The following AGBL1 variants were observed in gnomAD, a reference collection of about 807,000 sequenced individuals.
AGBL1 encodes AGBL carboxypeptidase 1.
A neutral mutation model predicts 118.9 loss-of-function variants in AGBL1; 130 were observed. The ratio of observed to expected loss-of-function variants is 1.09; its 90% CI spans 0.95 to 1.26. The LOEUF (loss-of-function observed/expected upper bound fraction) is 1.26. AGBL1 is among the 50% of genes most tolerant of loss of function. The pLI is 0.00. For missense variants in AGBL1, 1,584 were observed against 1,298.1 expected (o/e 1.22, Z -3.38); for synonymous variants, 555 against 478.9 (o/e 1.16, Z -2.08).
intron 7 of AGBL1, among the ~76,000 whole-genome samples, chr15:86,250,373 A>G (rs1209309502): frequency 6.6e-6 from 1 of 151,698 alleles, no homozygotes; most frequent in Non-Finnish European, 1.5e-5. Context: ...AAAAATACAA[A>G]AAATTAGCCG....
At chr15:86,718,353 A>C (rs867191567) in intron 22 of AGBL1, among the ~76,000 whole-genome samples, 3 of 152,166 alleles carry the variant, frequency 2.0e-5, no homozygotes, top group Non-Finnish European at 4.4e-5. Context: ...ACACTTGGAC[A>C]CAGGGTGGGG....
intron 3 of AGBL1, among the ~76,000 whole-genome samples, chr15:86,150,682 A>G (rs1431725211): frequency 6.6e-6 from 1 of 152,220 alleles, no homozygotes; most frequent in East Asian, 1.9e-4. Flanking sequence ...GCCAAATTCT[A>G]CCAGAGATAC....
chr15:86,666,898 A>T (rs2085654132), intron 21 of AGBL1, among the ~76,000 whole-genome samples: 1 of 152,154 alleles, frequency 6.6e-6, no homozygotes, highest in Non-Finnish European at 1.5e-5. Context: ...TAACCCCAGC[A>T]ATATGGGTCT....
At chr15:86,082,873 G>C (rs1430899371) in intron 1 of AGBL1, among the ~76,000 whole-genome samples, 2 of 152,234 alleles carry the variant, frequency 1.3e-5, no homozygotes, top group Admixed American at 6.5e-5. Context: ...CACAGCACAG[G>C]TGCGAGAGGC....
chr15:86,925,887 T>A (rs568071780), intron 23 of AGBL1, among the ~76,000 whole-genome samples: 23 of 151,396 alleles, frequency 1.5e-4, no homozygotes, highest in Non-Finnish European at 2.2e-4. Context: ...CCCGCCACCA[T>A]GCCCGGCTAA....
At chr15:86,722,203 A>T (rs1001379052) in intron 22 of AGBL1, among the ~76,000 whole-genome samples, 1 of 152,230 alleles carries the variant, frequency 6.6e-6, no homozygotes, top group African/African-American at 2.4e-5. Context: ...TGCCAAGTCA[A>T]TCCTAAGCCA....
intron 22 of AGBL1, among the ~76,000 whole-genome samples, chr15:86,873,391 G>A (rs974334334): frequency 6.6e-6 from 1 of 152,080 alleles, no homozygotes; most frequent in African/African-American, 2.4e-5. Context: ...TTTAAGAATC[G>A]ACTTTTGTTC....
chr15:86,087,000 A>G (rs1026067829), intron 1 of AGBL1, among the ~76,000 whole-genome samples: 3 of 152,168 alleles, frequency 2.0e-5, no homozygotes, highest in Admixed American at 1.3e-4. Flanking sequence ...GTGGGATGCT[A>G]GGGTGCACCT....
At chr15:86,597,664 G>A (rs951333900) in intron 21 of AGBL1, among the ~76,000 whole-genome samples, 1 of 152,156 alleles carries the variant, frequency 6.6e-6, no homozygotes, top group African/African-American at 2.4e-5. Context: ...ATTCAAATGA[G>A]AATAGACAGA....
intron 22 of AGBL1, among the ~76,000 whole-genome samples, chr15:86,883,292 C>T (rs1280796899): frequency 1.3e-5 from 2 of 152,156 alleles, no homozygotes; most frequent in African/African-American, 4.8e-5. Flanking sequence ...GATTTTCTTT[C>T]CTTGGCTAAC....
chr15:86,623,795 A>G (rs1384839556), intron 21 of AGBL1, among the ~76,000 whole-genome samples: 2 of 152,218 alleles, frequency 1.3e-5, no homozygotes, highest in Admixed American at 6.5e-5. Context: ...TAATTTTACA[A>G]TAATTCCAAA....
At chr15:86,217,843 G>T (rs1387142861) in intron 5 of AGBL1, among the ~76,000 whole-genome samples, 2 of 142,174 alleles carry the variant, frequency 1.4e-5, no homozygotes, top group South Asian at 2.5e-4. Flanking sequence ...TTCAGATTTG[G>T]ATTTTTTATC....
intron 17 of AGBL1, among the ~76,000 whole-genome samples, chr15:86,391,010 A>G (rs767746610): frequency 6.9e-6 from 1 of 145,894 alleles, no homozygotes; most frequent in Non-Finnish European, 1.5e-5. Flanking sequence ...ACGAAGCACT[A>G]TGGTGATAAA....
intron 18 of AGBL1, among the ~76,000 whole-genome samples, chr15:86,481,182 T>C (rs1423607976): frequency 6.6e-6 from 1 of 151,894 alleles, no homozygotes; most frequent in Admixed American, 6.6e-5. Context: ...TTGCCATGTT[T>C]AGAGGATTTC....
At chr15:86,636,848 A>C (rs2142455239) in intron 21 of AGBL1, among the ~76,000 whole-genome samples, 1 of 149,294 alleles carries the variant, frequency 6.7e-6, no homozygotes, top group South Asian at 2.1e-4. Flanking sequence ...ACTCATAGGC[A>C]CAATTCAATT....
Position 86,546,052 on chromosome 15 carries a change from T to C in AGBL1, c.2736T>C (p.Tyr912=). ...GHSQKKNVFL[Y]GCSIKETLWQ... is the part of the protein sequence containing the mutation. ...CCCAAAAGAAGAATGTGTTCCTTTA[T>C]GGCTGTAGCATCAAGGAAACCTTGT... The change falls in exon 20 of 23, where the codon TAT becomes TAC. Residue 912 remains tyrosine, a synonymous_variant. Coordinates refer to ENST00000614907, the MANE Select transcript of AGBL1 (RefSeq NM_001386094.1). The C allele has an allele frequency of 1.2e-6, 2 of 1,613,424 alleles. No individual in the cohort carries two copies. Among genetic ancestry groups the C allele is most frequent in the East Asian group, 2.2e-5 (1 of 44,876 alleles).
chr15:86,149,653 C>G (rs2077080378), intron 3 of AGBL1, among the ~76,000 whole-genome samples: 1 of 152,180 alleles, frequency 6.6e-6, no homozygotes, highest in Non-Finnish European at 1.5e-5. Context: ...CTACAAGAGA[C>G]TTAGACTCCC....
At chr15:86,653,361 T>A (rs2085409181) in intron 21 of AGBL1, among the ~76,000 whole-genome samples, 1 of 152,162 alleles carries the variant, frequency 6.6e-6, no homozygotes, top group Admixed American at 6.5e-5. Context: ...TGCAGACTTT[T>A]CCCTAAATCC....
At position 86,271,681 on chromosome 15, in the gene AGBL1, A is replaced by G. The variant is rs368971095; in HGVS notation, c.2050A>G (p.Thr684Ala). 2 of 1,613,282 alleles carry G rather than the reference A, an allele frequency of 1.2e-6. No individual in the cohort carries two copies. The highest frequency in any genetic ancestry group is 1.1e-5 in the South Asian group (1 of 91,068). Residue 684 changes from threonine (T) to alanine (A), a missense_variant, in exon 15 of 23, where the codon ACA (threonine) becomes GCA (alanine). Coordinates refer to ENST00000614907, the MANE Select transcript of AGBL1 (RefSeq NM_001386094.1). Reference protein sequence around the residue: ...ALLGKPTWIRTGHEICYYKNH... With the variant: ...ALLGKPTWIRAGHEICYYKNH... Reference sequence around the variant, plus strand: ...TCTTGGCAAACCCACCTGGATAAGGACAGGCCATGAAATATGTTATTACAA... The same window carrying G: ...TCTTGGCAAACCCACCTGGATAAGGGCAGGCCATGAAATATGTTATTACAA...
Sources: gnomAD v4.1 joint callset for allele counts (sites outside exome capture counted in the v4.1 genomes callset) on GRCh38, gnomAD v4.1.1 for gene constraint, MANE v1.5 for transcripts, NCBI Gene and HGNC (gene_info 2026-07-23, HGNC 2026-07-21) for gene names.